The following HS3ST5 variants were observed in gnomAD, a reference collection of about 807,000 sequenced individuals.
HS3ST5 encodes the protein heparan sulfate-glucosamine 3-sulfotransferase 5, also known as heparan sulfate glucosamine 3-O-sulfotransferase 5.
In HS3ST5, 10 loss-of-function variants were observed where a neutral mutation model predicts 25.4. That is an observed-to-expected ratio of 0.39 (90% CI 0.24 to 0.67). HS3ST5 has a LOEUF of 0.67. Ranked by LOEUF, HS3ST5 falls within the 30% of genes least tolerant of loss-of-function variation. The pLI is 0.44. For missense variants in HS3ST5, 324 were observed against 420.7 expected, an observed-to-expected ratio of 0.77 and a Z score of 2.01; for synonymous variants, 170 against 162.4, an observed-to-expected ratio of 1.05 and a Z score of -0.36.
At chr6:114,338,704 T>C (rs781019173) in intron 1 of HS3ST5, among the ~76,000 whole-genome samples, 22 of 152,102 alleles carry the variant, frequency 1.4e-4, no homozygotes, top group Non-Finnish European at 2.5e-4. Flanking sequence ...GCACTTCTGC[T>C]TAAAGGTTAA....
At chr6:114,074,649 C>T (rs936105614) in intron 3 of HS3ST5, among the ~76,000 whole-genome samples, 2 of 152,044 alleles carry the variant, frequency 1.3e-5, no homozygotes, top group African/African-American at 4.8e-5. Flanking sequence ...TCTTTCTTCC[C>T]AGCTTTTTTG....
chr6:114,176,778 A>G (rs1779743852), intron 2 of HS3ST5, among the ~76,000 whole-genome samples: 1 of 152,216 alleles, frequency 6.6e-6, no homozygotes, highest in Non-Finnish European at 1.5e-5. Context: ...AAAAGCATAG[A>G]GAAAGGCTCT....
At chr6:114,266,937 G>T (rs1031400885) in intron 1 of HS3ST5, among the ~76,000 whole-genome samples, 3 of 152,082 alleles carry the variant, frequency 2.0e-5, no homozygotes, top group African/African-American at 7.2e-5. Flanking sequence ...TACACTTTTT[G>T]GTACCTGTTG....
chr6:114,173,077 G>T (rs1318401008), intron 2 of HS3ST5, among the ~76,000 whole-genome samples: 2 of 152,138 alleles, frequency 1.3e-5, no homozygotes, highest in Non-Finnish European at 2.9e-5. Flanking sequence ...CTTTTTAAAA[G>T]AAAACATTTT....
At chr6:114,213,254 CTCCTT>C (rs1224065021) in intron 2 of HS3ST5, among the ~76,000 whole-genome samples, 1 of 150,122 alleles carries the variant, frequency 6.7e-6, no homozygotes, top group African/African-American at 2.5e-5. Flanking sequence ...CTCCTCTCCT[CTCCTT>C]TCCTCTCCTC....
At chr6:114,288,737 C>T (rs2114766438) in intron 1 of HS3ST5, among the ~76,000 whole-genome samples, 1 of 152,158 alleles carries the variant, frequency 6.6e-6, no homozygotes, top group African/African-American at 2.4e-5. Flanking sequence ...AATTTCTCAC[C>T]TGCTTGCCTT....
intron 2 of HS3ST5, among the ~76,000 whole-genome samples, chr6:114,198,849 C>T (rs1404525235): frequency 6.6e-6 from 1 of 151,938 alleles, no homozygotes; most frequent in Non-Finnish European, 1.5e-5. Flanking sequence ...GCCTAATTCT[C>T]ATGATGACCA....
Position 114,218,319 on chromosome 6 carries a change from T to G in HS3ST5, c.-145+10266A>C, listed in dbSNP as rs80299536. ...GGTCTACATACAAATTTAAATATAT[T>G]GTTTCCTGTAAGTGATGACTCTCAG... is the stretch of plus-strand genomic sequence containing the variant. On this transcript the variant is annotated intron_variant, in intron 2 of 4. Transcript: ENST00000312719. Among the ~76,000 whole-genome samples the G allele has an allele frequency of 2.3e-3, 348 of 152,280 alleles. 2 individuals carry two copies. Among genetic ancestry groups the G allele is most frequent in the African/African-American group, 8.1e-3 (336 of 41,558 alleles).
chr6:114,085,777 A>T (rs1774765501), intron 3 of HS3ST5, among the ~76,000 whole-genome samples: 1 of 152,206 alleles, frequency 6.6e-6, no homozygotes, highest in Non-Finnish European at 1.5e-5. Flanking sequence ...TTATATTTAT[A>T]GATTTAGACA....
At chr6:114,165,464 T>C (rs1779164224) in intron 3 of HS3ST5, among the ~76,000 whole-genome samples, 2 of 152,206 alleles carry the variant, frequency 1.3e-5, no homozygotes. Context: ...TCAAATCCTT[T>C]GGGGATGTTT....
chr6:114,281,714 C>G (rs1774120694), intron 1 of HS3ST5: 1 of 151,984 alleles, frequency 6.6e-6, no homozygotes, highest in Admixed American at 6.6e-5. Flanking sequence ...GTGAAATCCC[C>G]AAGGGAACAC....
intron 3 of HS3ST5, among the ~76,000 whole-genome samples, chr6:114,141,606 A>C (rs1025166678): frequency 6.6e-6 from 1 of 152,176 alleles, no homozygotes; most frequent in Admixed American, 6.5e-5. Flanking sequence ...AAAGGTGATA[A>C]ATTATAAATG....
At chr6:114,213,105 A>T (rs1287625793) in intron 2 of HS3ST5, among the ~76,000 whole-genome samples, 3 of 152,048 alleles carry the variant, frequency 2.0e-5, no homozygotes, top group African/African-American at 7.2e-5. Flanking sequence ...ATGGAGAGCT[A>T]GAAAGGGGAT....
chr6:114,223,632 T>C (rs1038195741), intron 2 of HS3ST5, among the ~76,000 whole-genome samples: 3 of 151,798 alleles, frequency 2.0e-5, no homozygotes, highest in African/African-American at 7.2e-5. Flanking sequence ...ACATTCCATT[T>C]TTCTTCAAAT....
At chr6:114,299,470 T>A (rs1234283770) in intron 1 of HS3ST5, among the ~76,000 whole-genome samples, 2 of 152,114 alleles carry the variant, frequency 1.3e-5, no homozygotes, top group Non-Finnish European at 2.9e-5. Context: ...ATTCTTACAC[T>A]CCCTCCCCTT....
intron 3 of HS3ST5, among the ~76,000 whole-genome samples, chr6:114,078,842 C>T (rs929832898): frequency 2.0e-5 from 3 of 152,226 alleles, no homozygotes; most frequent in African/African-American, 7.2e-5. Flanking sequence ...ATAGGCACAC[C>T]TTGGAGATGT....
At chr6:114,302,424 G>C (rs1318201336) in intron 1 of HS3ST5, among the ~76,000 whole-genome samples, 1 of 152,036 alleles carries the variant, frequency 6.6e-6, no homozygotes, top group Non-Finnish European at 1.5e-5. Flanking sequence ...CACCACCATG[G>C]CTATATCCAA....
intron 1 of HS3ST5, among the ~76,000 whole-genome samples, chr6:114,308,572 G>A (rs1775397390): frequency 6.6e-6 from 1 of 152,130 alleles, no homozygotes; most frequent in African/African-American, 2.4e-5. Context: ...GGGTGACAGA[G>A]CAAGACTCTG....
At position 114,230,029 on chromosome 6, in the gene HS3ST5, T is replaced by C. The variant is rs552282566; in HGVS notation, c.-338-1251A>G. On this transcript the variant is annotated intron_variant, in intron 1 of 4. Coordinates refer to ENST00000312719, the MANE Select transcript of HS3ST5 (RefSeq NM_153612.4). ...TAAAAAGTAAGTGCCACTGAAACGGTTGCAATGATAGCTACTGTTTAACTC... is the reference window on the plus strand; with the variant it reads ...TAAAAAGTAAGTGCCACTGAAACGGCTGCAATGATAGCTACTGTTTAACTC... The C allele has an allele frequency of 8.6e-4, 131 of 152,198 alleles. 1 individual carries two copies. The highest frequency in any genetic ancestry group is 3.1e-3 in the African/African-American group (128 of 41,520). The allele number at this position is 152,198 out of a possible 1,614,324, so 9.4% of individuals were successfully genotyped here. A position where few individuals can be genotyped will look rare whatever the true frequency, so the allele number is the denominator to read the frequency against.
Sources: gnomAD v4.1 joint callset for allele counts (sites outside exome capture counted in the v4.1 genomes callset) on GRCh38, gnomAD v4.1.1 for gene constraint, MANE v1.5 for transcripts, NCBI Gene and HGNC (gene_info 2026-07-23, HGNC 2026-07-21) for gene names.